DYRK1A: variants seen among roughly 807,000 people sequenced by gnomAD.
The protein encoded by DYRK1A is dual specificity tyrosine phosphorylation regulated kinase 1A, also known as dual specificity tyrosine-phosphorylation-regulated kinase 1A.
Under a neutral mutation model 79.7 loss-of-function variants are expected in DYRK1A, and 9 were observed. The ratio of observed to expected loss-of-function variants is 0.11; its 90% CI spans 0.07 to 0.20. DYRK1A has a LOEUF of 0.20. Ranked by LOEUF, DYRK1A falls within the 10% of genes least tolerant of loss-of-function variation. The probability of loss-of-function intolerance (pLI) is 1.00; values close to 1 mark genes in which losing one functional copy is unlikely to be tolerated. For missense variants in DYRK1A, 622 were observed against 956.0 expected (o/e 0.65, Z 4.61); for synonymous variants, 349 against 329.7 (o/e 1.06, Z -0.63).
At chr21:37,425,205 T>G (rs2050584330) in intron 2 of DYRK1A, among the ~76,000 whole-genome samples, 1 of 152,220 alleles carries the variant, frequency 6.6e-6, no homozygotes, top group Non-Finnish European at 1.5e-5. Context: ...ATCCTCTTTG[T>G]GTGCCCTGTG....
intron 1 of DYRK1A, among the ~76,000 whole-genome samples, chr21:37,398,740 A>C (rs531875490): frequency 6.6e-6 from 1 of 152,288 alleles, no homozygotes; most frequent in Non-Finnish European, 1.5e-5. Flanking sequence ...AGAAGACTTA[A>C]AAACTATTCA....
chr21:37,425,845 A>G lies in DYRK1A; in HGVS notation c.10+5461A>G, dbSNP rs114118342. 9.0e-3 allele frequency: 1,371 copies of G among 152,362 alleles called. 18 individuals carry two copies. The highest frequency in any genetic ancestry group is 0.032 in the African/African-American group (1,314 of 41,552). 9.4% of individuals were successfully genotyped at this position (152,362 alleles called of 1,614,324 possible). A position where few individuals can be genotyped will look rare whatever the true frequency, so the allele number is the denominator to read the frequency against. On this transcript the variant is annotated intron_variant, in intron 2 of 11. Coordinates refer to ENST00000647188, the MANE Select transcript of DYRK1A (RefSeq NM_001347721.2). ...GTGGTATCAGCATTTGTGCAGAAGGAGGCATGAGGGTGTCTGATGGACCTG... is the reference window on the plus strand; with the variant it reads ...GTGGTATCAGCATTTGTGCAGAAGGGGGCATGAGGGTGTCTGATGGACCTG...
intron 11 of DYRK1A, among the ~76,000 whole-genome samples, chr21:37,507,031 T>G (rs1465618884): frequency 1.3e-5 from 2 of 152,090 alleles, no homozygotes; most frequent in Non-Finnish European, 2.9e-5. Flanking sequence ...CTATTCTCTT[T>G]AATAATAGTT....
chr21:37,405,945 T>C (rs147266467), intron 1 of DYRK1A, among the ~76,000 whole-genome samples: 1 of 152,332 alleles, frequency 6.6e-6, no homozygotes, highest in African/African-American at 2.4e-5. Context: ...CTCAGTTGTA[T>C]CAATAGGCGT....
At chr21:37,483,078 C>T (rs1021226757) in intron 5 of DYRK1A, among the ~76,000 whole-genome samples, 4 of 151,948 alleles carry the variant, frequency 2.6e-5, no homozygotes, top group African/African-American at 7.3e-5. Context: ...CCTCAGCTTA[C>T]GAAAATGAAG....
intron 1 of DYRK1A, among the ~76,000 whole-genome samples, chr21:37,417,573 G>T (rs749219117): frequency 4.7e-5 from 2 of 42,788 alleles, no homozygotes; most frequent in Non-Finnish European, 9.0e-5. Flanking sequence ...TGGTGTATCA[G>T]TGCTTTTTAT....
At chr21:37,437,333 A>G (rs542191495) in intron 2 of DYRK1A, among the ~76,000 whole-genome samples, 3 of 152,320 alleles carry the variant, frequency 2.0e-5, no homozygotes, top group East Asian at 1.9e-4. Context: ...AGTAATTTCA[A>G]GGGGTTTTTG....
intron 2 of DYRK1A, among the ~76,000 whole-genome samples, chr21:37,438,035 C>T (rs925981152): frequency 2.6e-5 from 4 of 152,098 alleles, no homozygotes; most frequent in Non-Finnish European, 5.9e-5. Context: ...TAATTTTAGC[C>T]ATTCTAATAC....
Position 37,513,364 on chromosome 21 carries a change from C to T in DYRK1A, c.*833C>T, listed in dbSNP as rs140639816. ...TGGTGGTCTTTGGGATAACCTTTGG[C>T]CTTATGGATTTGGACTCGAAATTAG... On this transcript the variant is annotated 3_prime_UTR_variant, in exon 12 of 12. Coordinates refer to ENST00000647188, the MANE Select transcript of DYRK1A (RefSeq NM_001347721.2). 6.5e-6 allele frequency: 1 copy of T among 152,704 alleles called. No individual in the cohort carries two copies. Among genetic ancestry groups the T allele is most frequent in the African/African-American group, 2.4e-5 (1 of 41,538 alleles). 9.5% of individuals were successfully genotyped at this position (152,704 alleles called of 1,614,324 possible).
chr21:37,466,702 C>G (rs148383354), intron 2 of DYRK1A, among the ~76,000 whole-genome samples: 107 of 152,014 alleles, frequency 7.0e-4, no homozygotes, highest in African/African-American at 2.5e-3. Flanking sequence ...ATCAGGAAGG[C>G]ATAACAACCC....
chr21:37,488,316 A>T, intron 6 of DYRK1A: 1 of 964,744 alleles, frequency 1.0e-6, no homozygotes, highest in Non-Finnish European at 1.2e-6. Flanking sequence ...AGATTAGACA[A>T]GTTCATATCA....
intron 1 of DYRK1A, among the ~76,000 whole-genome samples, chr21:37,369,614 C>T (rs746632392): frequency 6.6e-6 from 1 of 152,152 alleles, no homozygotes; most frequent in Non-Finnish European, 1.5e-5. Flanking sequence ...TCATTTTTAC[C>T]TCGAGAGGCA....
chr21:37,384,873 ATT>A (rs1444575134), intron 1 of DYRK1A, among the ~76,000 whole-genome samples: 5 of 152,140 alleles, frequency 3.3e-5, no homozygotes, highest in Non-Finnish European at 7.4e-5. Flanking sequence ...CATTAATGGT[ATT>A]TTAGACATTT....
chr21:37,378,822 G>A (rs536434151), intron 1 of DYRK1A, among the ~76,000 whole-genome samples: 5 of 152,296 alleles, frequency 3.3e-5, no homozygotes, highest in Admixed American at 2.0e-4. Context: ...AGTTAGAGGG[G>A]TTGACATGTG....
In DYRK1A at chr21:37,513,513, A is replaced by G. The variant is rs1411737143; in HGVS notation, c.*982A>G. On this transcript the variant is annotated 3_prime_UTR_variant, in exon 12 of 12. Coordinates refer to ENST00000647188, the MANE Select transcript of DYRK1A (RefSeq NM_001347721.2). ...CTTTTAAAATAGACTTTTGTGACCCACTAATTGTAAGGTATTGCAAGGTCA... is the reference window on the plus strand; with the variant it reads ...CTTTTAAAATAGACTTTTGTGACCCGCTAATTGTAAGGTATTGCAAGGTCA... The G allele has an allele frequency of 6.6e-6, 1 of 152,664 alleles. No individual in the cohort carries two copies. Among genetic ancestry groups the G allele is most frequent in the Non-Finnish European group, 1.5e-5 (1 of 68,052 alleles). 9.5% of individuals were successfully genotyped at this position (152,664 alleles called of 1,614,324 possible).
intron 1 of DYRK1A, among the ~76,000 whole-genome samples, chr21:37,417,232 C>T (rs1055609379): frequency 2.0e-5 from 3 of 151,950 alleles, no homozygotes; most frequent in African/African-American, 7.3e-5. Flanking sequence ...CTCTTGTTGC[C>T]CAGGCTGGAG....
chr21:37,507,503 ACT>A (rs1569400432), intron 11 of DYRK1A, among the ~76,000 whole-genome samples: 2 of 151,186 alleles, frequency 1.3e-5, no homozygotes, highest in Non-Finnish European at 3.0e-5. Context: ...CTGCCCTCCA[ACT>A]CTCCTGCCGG....
chr21:37,384,773 T>C (rs2049727669), intron 1 of DYRK1A, among the ~76,000 whole-genome samples: 1 of 152,182 alleles, frequency 6.6e-6, no homozygotes, highest in Non-Finnish European at 1.5e-5. Context: ...TCTGAAAGTT[T>C]GGCAGAAACG....
At chr21:37,428,032 C>T (rs900213855) in intron 2 of DYRK1A, among the ~76,000 whole-genome samples, 3 of 152,034 alleles carry the variant, frequency 2.0e-5, no homozygotes, top group Non-Finnish European at 4.4e-5. Context: ...TTATTTACTC[C>T]TAATGATAAC....
Sources: gnomAD v4.1 joint callset for allele counts (sites outside exome capture counted in the v4.1 genomes callset) on GRCh38, gnomAD v4.1.1 for gene constraint, MANE v1.5 for transcripts, NCBI Gene and HGNC (gene_info 2026-07-23, HGNC 2026-07-21) for gene names.